Variants in RUNX2 observed in about 807,000 individuals in gnomAD.
RUNX2 encodes the protein RUNX family transcription factor 2, also known as runt-related transcription factor 2.
A neutral mutation model predicts 51.7 loss-of-function variants in RUNX2; 10 were observed. The ratio of observed to expected loss-of-function variants is 0.19; its 90% CI spans 0.12 to 0.33. The LOEUF (loss-of-function observed/expected upper bound fraction) is 0.33, where lower values mean the gene tolerates loss of function less well. Among genes scored for constraint, RUNX2 ranks in the 10% least tolerant of loss-of-function variants. The pLI, the probability that RUNX2 is intolerant of heterozygous loss-of-function variation, is 1.00. For synonymous variants in RUNX2, 276 were observed against 273.6 expected, an observed-to-expected ratio of 1.01 and a Z score of -0.09; for missense variants, 562 against 691.3, an observed-to-expected ratio of 0.81 and a Z score of 2.10.
At chr6:45,334,449 C>CAAAAAAAAAAAAAAAAAA (rs551014969) in intron 2 of RUNX2, among the ~76,000 whole-genome samples, 1 of 91,758 alleles carries the variant, frequency 1.1e-5, no homozygotes, top group Non-Finnish European at 2.1e-5. Flanking sequence ...TCAGGAAAAG[C>CAAAAAAAAAAAAAAAAAA]AAAAAAAAAA....
intron 2 of RUNX2, among the ~76,000 whole-genome samples, chr6:45,373,590 C>T (rs927322508): frequency 2.0e-5 from 3 of 152,014 alleles, no homozygotes; most frequent in Non-Finnish European, 2.9e-5. Context: ...ATTGCTCTGT[C>T]GCCCAGGCTG....
intron 2 of RUNX2, among the ~76,000 whole-genome samples, chr6:45,364,479 TATA>T (rs553807941): frequency 3.1e-4 from 47 of 152,302 alleles, no homozygotes; most frequent in African/African-American, 1.1e-3. Context: ...AGAAGAGCAC[TATA>T]ATATCTTGCC....
intron 6 of RUNX2, among the ~76,000 whole-genome samples, chr6:45,493,650 TAA>T (rs77936464): frequency 1.4e-5 from 2 of 147,880 alleles, no homozygotes; most frequent in Admixed American, 6.8e-5. Flanking sequence ...TAAATATATG[TAA>T]AAAAAAAAGT....
Position 45,431,850 on chromosome 6 carries a change from C to T in RUNX2, c.424-13C>T. 1 of 1,613,762 alleles carries T rather than the reference C, an allele frequency of 6.2e-7. No homozygotes were observed. The highest frequency in any genetic ancestry group is 8.5e-7 in the Non-Finnish European group (1 of 1,179,774). On this transcript the variant is annotated splice_polypyrimidine_tract_variant and intron_variant, in intron 3 of 8. Transcript: ENST00000647337. ...TGTGCCATTATTGCTGCTGTGTTTC[C>T]TGTTTTATGTAGGTGGTAGCCCTCG...
At chr6:45,406,143 C>G (rs1014479407) in intron 2 of RUNX2, among the ~76,000 whole-genome samples, 2 of 152,166 alleles carry the variant, frequency 1.3e-5, no homozygotes, top group African/African-American at 2.4e-5. Context: ...ATGATATGAT[C>G]ATAATCTATG....
intron 5 of RUNX2, among the ~76,000 whole-genome samples, chr6:45,484,485 G>A (rs1800210139): frequency 6.6e-6 from 1 of 152,192 alleles, no homozygotes. Flanking sequence ...AAACAGAGGA[G>A]CAGACTTTCA....
intron 2 of RUNX2, among the ~76,000 whole-genome samples, chr6:45,367,238 C>T (rs1361360038): frequency 6.6e-6 from 1 of 152,044 alleles, no homozygotes; most frequent in Admixed American, 6.6e-5. Context: ...ACCACTATAC[C>T]AAGAAGGCAA....
At chr6:45,344,068 A>C (rs73444678) in intron 2 of RUNX2, among the ~76,000 whole-genome samples, 223 of 152,330 alleles carry the variant, frequency 1.5e-3, no homozygotes, top group African/African-American at 5.3e-3. Context: ...AATTGTATAT[A>C]TGAAAAATTG....
Position 45,355,311 on chromosome 6 carries a change from T to C in RUNX2, c.58+26527T>C, listed in dbSNP as rs57543554. Among the ~76,000 whole-genome samples, 805 of 152,196 alleles carry C rather than the reference T, an allele frequency of 5.3e-3. 5 individuals are homozygous for C. Among genetic ancestry groups the C allele is most frequent in the African/African-American group, 0.018 (745 of 41,538 alleles). ...AATTTAATAATTAAGGTGTTAATTA[T>C]GAACTTTCTGTATTTTCTAATTTTT... On this transcript the variant is annotated intron_variant, in intron 2 of 8. Coordinates refer to ENST00000647337, the MANE Select transcript of RUNX2 (RefSeq NM_001024630.4).
In RUNX2 at chr6:45,422,878, G is replaced by T; in HGVS notation, c.344G>T (p.Arg115Leu). 3.7e-6 allele frequency: 6 copies of T among 1,612,528 alleles called. No individual in the cohort carries two copies. The highest frequency in any genetic ancestry group is 1.7e-4 in the Middle Eastern group (1 of 5,954). Residue 115 changes from arginine (R) to leucine (L), a missense_variant, in exon 3 of 9, where the codon CGC becomes CTC. By Grantham distance (102) the Arg-to-Leu change is moderately radical. This residue lies in a region of RUNX2 where 67 missense variants were observed against 106.5 expected (regional missense o/e 0.63). Coordinates refer to ENST00000647337, the MANE Select transcript of RUNX2 (RefSeq NM_001024630.4). Reference sequence around the variant, plus strand: ...GCCGACCACCCGGCCGAACTCGTCCGCACCGACAGCCCCAACTTCCTGTGC... The same window carrying T: ...GCCGACCACCCGGCCGAACTCGTCCTCACCGACAGCCCCAACTTCCTGTGC... ...IIADHPAELV[R>L]TDSPNFLCSV...
intron 2 of RUNX2, among the ~76,000 whole-genome samples, chr6:45,358,732 G>A (rs549771750): frequency 6.6e-6 from 1 of 151,984 alleles, no homozygotes; most frequent in Non-Finnish European, 1.5e-5. Context: ...TCAGATTTTT[G>A]AAAGTTAATA....
At chr6:45,447,279 C>T (rs1356731400) in intron 5 of RUNX2, among the ~76,000 whole-genome samples, 1 of 152,198 alleles carries the variant, frequency 6.6e-6, no homozygotes, top group Non-Finnish European at 1.5e-5. Flanking sequence ...TGCAGGTCAA[C>T]TGTAGCAATG....
chr6:45,543,160 T>C (rs1361853835), intron 7 of RUNX2, among the ~76,000 whole-genome samples: 2 of 152,216 alleles, frequency 1.3e-5, no homozygotes, highest in African/African-American at 2.4e-5. Flanking sequence ...TTTCCCCAAG[T>C]TGAGTAAAAC....
At chr6:45,425,927 G>A (rs1252622039) in intron 3 of RUNX2, among the ~76,000 whole-genome samples, 1 of 152,042 alleles carries the variant, frequency 6.6e-6, no homozygotes, top group Non-Finnish European at 1.5e-5. Flanking sequence ...TTGTTGTGAA[G>A]TCTGATATTC....
At chr6:45,345,762 T>G (rs1014662952) in intron 2 of RUNX2, among the ~76,000 whole-genome samples, 1 of 152,220 alleles carries the variant, frequency 6.6e-6, no homozygotes, top group Non-Finnish European at 1.5e-5. Flanking sequence ...CGTACCTTTA[T>G]CTTTCAAACA....
At chr6:45,528,732 C>T (rs1263465132) in intron 7 of RUNX2, among the ~76,000 whole-genome samples, 1 of 152,204 alleles carries the variant, frequency 6.6e-6, no homozygotes, top group Non-Finnish European at 1.5e-5. Context: ...GGCAACAGCT[C>T]TGAAGTGAAG....
intron 5 of RUNX2, among the ~76,000 whole-genome samples, chr6:45,485,820 C>T (rs1800268095): frequency 6.6e-6 from 1 of 151,154 alleles, no homozygotes; most frequent in South Asian, 2.1e-4. Flanking sequence ...TATCAAAATC[C>T]TAGTCAACCT....
chr6:45,426,309 C>A (rs1034748743), intron 3 of RUNX2, among the ~76,000 whole-genome samples: 1 of 152,046 alleles, frequency 6.6e-6, no homozygotes, highest in South Asian at 2.1e-4. Context: ...TCACTGAAAC[C>A]TTAAAATAGT....
At chr6:45,527,839 A>C (rs183373458) in intron 7 of RUNX2, among the ~76,000 whole-genome samples, 1 of 152,334 alleles carries the variant, frequency 6.6e-6, no homozygotes, top group Admixed American at 6.5e-5. Flanking sequence ...TAGTACAATG[A>C]TGTACAATGA....
Sources: gnomAD v4.1 joint callset for allele counts (sites outside exome capture counted in the v4.1 genomes callset) on GRCh38, gnomAD v4.1.1 for gene constraint, gnomAD v4.1.1 regional missense constraint, MANE v1.5 for transcripts, NCBI Gene and HGNC (gene_info 2026-07-23, HGNC 2026-07-21) for gene names.